RNF170: variants seen among roughly 807,000 people sequenced by gnomAD.
RNF170 encodes E3 ubiquitin-protein ligase RNF170.
In RNF170, 12 loss-of-function variants were observed where a neutral mutation model predicts 32.7. The observed-to-expected ratio is 0.37, with a 90% CI of 0.24 to 0.60. The LOEUF (loss-of-function observed/expected upper bound fraction) is 0.60, where lower values mean the gene tolerates loss of function less well. Among genes scored for constraint, RNF170 ranks in the 20% least tolerant of loss-of-function variants. The pLI, the probability that RNF170 is intolerant of heterozygous loss-of-function variation, is 0.72. For missense variants in RNF170, 212 were observed against 311.2 expected (o/e 0.68, Z 2.40); for synonymous variants, 91 against 103.6 (o/e 0.88, Z 0.74).
intron 1 of RNF170, among the ~76,000 whole-genome samples, chr8:42,890,263 T>TA (rs910375889): frequency 2.0e-5 from 3 of 150,488 alleles, no homozygotes; most frequent in African/African-American, 7.3e-5. Context: ...TTATATTCTT[T>TA]TTTTTTTTTG....
Position 42,861,856 on chromosome 8 carries a change from C to T in RNF170, c.397-1G>A, listed in dbSNP as rs1435541559. 6.2e-7 allele frequency: 1 copy of T among 1,603,288 alleles called. No homozygotes were observed. The highest frequency in any genetic ancestry group is 2.2e-5 in the East Asian group (1 of 44,762). ...CAAATACTGTTAGGAGTAAGGTTAC[C>T]TGTATATTACAGAAAAAAAAATTAT... On this transcript the variant is annotated splice_acceptor_variant, in intron 5 of 6. Transcript: ENST00000527424. LOFTEE classifies it high-confidence loss of function.
At position 42,854,617 on chromosome 8, in the gene RNF170, G is replaced by A. The variant is rs972456826; in HGVS notation, c.*1542C>T. ...ATTTCATTCAGAATCTCATTAATTG[G>A]TAGCTGATCTGATTAGCTAGAGAGA... On this transcript the variant is annotated 3_prime_UTR_variant, in exon 7 of 7. Transcript: ENST00000527424. 12 of 1,286,942 alleles carry A rather than the reference G, an allele frequency of 9.3e-6. No individual in the cohort carries two copies. The highest frequency in any genetic ancestry group is 2.3e-5 in the Admixed American group (1 of 43,534). The allele number at this position is 1,286,942 out of a possible 1,614,324, so 79.7% of individuals were successfully genotyped here.
intron 2 of RNF170, among the ~76,000 whole-genome samples, chr8:42,885,392 C>T (rs1158457487): frequency 6.6e-6 from 1 of 152,180 alleles, no homozygotes; most frequent in Non-Finnish European, 1.5e-5. Context: ...TTTCAACATA[C>T]TGATGTAATT....
At chr8:42,869,374 G>A (rs1804353897) in intron 4 of RNF170, among the ~76,000 whole-genome samples, 1 of 152,102 alleles carries the variant, frequency 6.6e-6, no homozygotes, top group Non-Finnish European at 1.5e-5. Flanking sequence ...TGCAGATTCA[G>A]GAAAAATAAG....
chr8:42,887,623 T>G, intron 2 of RNF170, 105 bp downstream of exon 2: 5 of 1,037,952 alleles, frequency 4.8e-6, no homozygotes, highest in Non-Finnish European at 7.6e-6. Context: ...CTACAATCAC[T>G]GAGATCTGTT....
At chr8:42,866,382 T>C (rs1456836548) in intron 4 of RNF170, among the ~76,000 whole-genome samples, 1 of 151,404 alleles carries the variant, frequency 6.6e-6, no homozygotes. Context: ...TCTACAAAAA[T>C]ACAAAAAAAT....
chr8:42,866,721 A>T (rs1804110574), intron 4 of RNF170, among the ~76,000 whole-genome samples: 1 of 152,188 alleles, frequency 6.6e-6, no homozygotes, highest in Admixed American at 6.5e-5. Flanking sequence ...TTTCTGCTTG[A>T]AGGTATTCAT....
chr8:42,879,469 A>T (rs1056529196), intron 2 of RNF170, among the ~76,000 whole-genome samples: 1 of 151,964 alleles, frequency 6.6e-6, no homozygotes, highest in Non-Finnish European at 1.5e-5. Context: ...TGGCCAACAC[A>T]GTGAAACCCT....
At chr8:42,860,329 G>T (rs988765043) in intron 6 of RNF170, among the ~76,000 whole-genome samples, 14 of 152,322 alleles carry the variant, frequency 9.2e-5, no homozygotes, top group African/African-American at 3.4e-4. Flanking sequence ...GCTAGTTTTT[G>T]ATTTATCAAA....
chr8:42,857,462 C>G (rs1803327203), intron 6 of RNF170, among the ~76,000 whole-genome samples: 1 of 152,194 alleles, frequency 6.6e-6, no homozygotes, highest in African/African-American at 2.4e-5. Context: ...TTTGAATACC[C>G]TTCTGTCCTT....
rs1385057796 is a variant in RNF170, at chr8:42,854,639, G to C, written c.*1520C>G. The stretch of plus-strand genomic sequence containing the variant: ...TTGGTAGCTGATCTGATTAGCTAGA[G>C]AGAATGTGACAGATTTTCTCCTTAT... On this transcript the variant is annotated 3_prime_UTR_variant, in exon 7 of 7. Coordinates refer to ENST00000527424, the MANE Select transcript of RNF170 (RefSeq NM_030954.4). 3.7e-5 allele frequency: 48 copies of C among 1,287,026 alleles called. No individual in the cohort carries two copies. The highest frequency in any genetic ancestry group is 4.8e-5 in the Non-Finnish European group (47 of 988,624). The allele number at this position is 1,287,026 out of a possible 1,614,324, so 79.7% of individuals were successfully genotyped here. A position where few individuals can be genotyped will look rare whatever the true frequency, so the allele number is the denominator to read the frequency against.
In RNF170 at chr8:42,856,408, A is replaced by C; in HGVS notation, c.528T>G (p.Asp176Glu). Reference sequence around the variant, plus strand: ...ATGCATGCCTCAGTAAAGTGGGTAGATCCATAATTCTCTCCATAATCTGGT... The same window carrying C: ...ATGCATGCCTCAGTAAAGTGGGTAGCTCCATAATTCTCTCCATAATCTGGT... ...QPRSIMERIM[D>E]LPTLLRHAFR... is the part of the protein sequence containing the mutation. The change falls in exon 7 of 7, where the codon GAT becomes GAG. Residue 176 changes from aspartate to glutamate, a missense_variant. Physicochemically the swap from Asp to Glu is conservative, Grantham distance 45. Transcript: ENST00000527424. 1 of 1,611,450 alleles carries C rather than the reference A, an allele frequency of 6.2e-7. No homozygotes were observed. Among genetic ancestry groups the C allele is most frequent in the Non-Finnish European group, 8.5e-7 (1 of 1,179,140 alleles).
chr8:42,856,516 T>C, intron 6 of RNF170, 88 bp from the exon 7 acceptor site: 3 of 959,236 alleles, frequency 3.1e-6, no homozygotes, highest in Non-Finnish European at 4.8e-6. Flanking sequence ...ATGTAAACAT[T>C]GTTAAGATGA....
In RNF170 at chr8:42,870,012, A is replaced by G. The variant is rs1205482518; in HGVS notation, c.314T>C (p.Leu105Pro). ...SFPVETNCGH[L>P]FCGACIIAYW... The stretch of plus-strand genomic sequence containing the variant: ...TAGCGTTGTTTGCTTACCACAAAAA[A>G]GATGTCCACAGTTGGTCTCCACCGG... The change falls in exon 4 of 7, where the codon CTT (leucine) becomes CCT (proline). Residue 105 changes from leucine (L) to proline (P), a missense_variant. Physicochemically the swap from Leu to Pro is moderately conservative, Grantham distance 98. This residue lies in a region of RNF170 where 115 missense variants were observed against 132.3 expected (regional missense o/e 0.87). Transcript: ENST00000527424. The G allele has an allele frequency of 6.2e-7, 1 of 1,612,504 alleles. No individual in the cohort carries two copies. The highest frequency in any genetic ancestry group is 1.1e-5 in the South Asian group (1 of 91,052).
intron 6 of RNF170, among the ~76,000 whole-genome samples, chr8:42,860,719 G>A (rs796747197): frequency 5.2e-4 from 70 of 135,456 alleles, no homozygotes; most frequent in African/African-American, 1.8e-3. Flanking sequence ...CACTGTGCCC[G>A]GCCTAAACCT....
downstream of RNF170, among the ~76,000 whole-genome samples, chr8:42,851,172 T>A (rs998957664): frequency 6.6e-6 from 1 of 152,028 alleles, no homozygotes; most frequent in Non-Finnish European, 1.5e-5. Flanking sequence ...CACACAGAAC[T>A]CTCCTTGGAC....
chr8:42,890,240 GACT>G (rs1182458067), intron 1 of RNF170, among the ~76,000 whole-genome samples: 2 of 148,646 alleles, frequency 1.3e-5, no homozygotes, highest in South Asian at 2.1e-4. Flanking sequence ...ATAAATATTT[GACT>G]ACTATGTGAT....
Position 42,853,750 on chromosome 8 carries a change from G to T in RNF170, c.*2409C>A. ...GATCCCTTCTGCATTTATCATCAGAGATCGGTAAAGATGACAACAAGCAGG... is the reference window on the plus strand; with the variant it reads ...GATCCCTTCTGCATTTATCATCAGATATCGGTAAAGATGACAACAAGCAGG... On this transcript the variant is annotated 3_prime_UTR_variant, in exon 7 of 7. Coordinates refer to ENST00000527424, the MANE Select transcript of RNF170 (RefSeq NM_030954.4). 1.6e-6 allele frequency: 2 copies of T among 1,287,134 alleles called. No homozygotes were observed. The highest frequency in any genetic ancestry group is 2.0e-6 in the Non-Finnish European group (2 of 988,650). 79.7% of individuals were successfully genotyped at this position (1,287,134 alleles called of 1,614,324 possible).
intron 2 of RNF170, among the ~76,000 whole-genome samples, chr8:42,874,771 A>C (rs1267871337): frequency 6.6e-6 from 1 of 152,000 alleles, no homozygotes; most frequent in African/African-American, 2.4e-5. Flanking sequence ...AGAAAAGCCA[A>C]ACCTTAACAT....
Sources: allele counts gnomAD v4.1 joint callset (sites outside exome capture counted in the v4.1 genomes callset), GRCh38; gene constraint gnomAD v4.1.1; regional missense constraint gnomAD v4.1.1; transcripts MANE v1.5; gene names NCBI Gene and HGNC (gene_info 2026-07-23, HGNC 2026-07-21).